Variants in DAZAP1 observed in about 807,000 individuals in gnomAD.
DAZAP1 encodes the protein DAZ-associated protein 1.
In DAZAP1, 6 loss-of-function variants were observed where a neutral mutation model predicts 60.1. The observed-to-expected ratio is 0.10, with a 90% CI of 0.05 to 0.20. The LOEUF (loss-of-function observed/expected upper bound fraction) is 0.20. Among genes scored for constraint, DAZAP1 ranks in the 10% least tolerant of loss-of-function variants. DAZAP1 has a pLI of 1.00. For missense variants in DAZAP1, 366 were observed against 560.4 expected (o/e 0.65, Z 3.50); for synonymous variants, 235 against 215.9 (o/e 1.09, Z -0.78).
rs1021536208 is a variant in DAZAP1 at position 1,433,242 on chromosome 19, G to A, written c.1048+552G>A. ...CCGGGGCAGGAGCTTGTGGGGGGGC[G>A]GGGTCAGCATGGGTCAAGGTCTGCA... On this transcript the variant is annotated intron_variant, in intron 11 of 11. Transcript: ENST00000233078. This position sits in a 1 kb window ranked among gnomAD's most constrained non-coding sequence, Gnocchi z 6.1. The A allele has an allele frequency of 8.6e-5, 16 of 186,728 alleles. No homozygotes were observed. Among genetic ancestry groups the A allele is most frequent in the Admixed American group, 4.9e-4 (9 of 18,360 alleles). The allele number at this position is 186,728 out of a possible 1,614,324, so 11.6% of individuals were successfully genotyped here.
Position 1,429,960 on chromosome 19 carries a change from T to C in DAZAP1, c.701-7T>C. The C allele has an allele frequency of 6.4e-7, 1 of 1,565,912 alleles. No individual in the cohort carries two copies. On this transcript the variant is annotated splice_region_variant and splice_polypyrimidine_tract_variant and intron_variant, in intron 8 of 11. Transcript: ENST00000233078. ...GCGCCAACCTCCTCTTCTGTTCTCT[T>C]ATCTAGGAATGTGGGTGCCGGCAGG... is the stretch of plus-strand genomic sequence containing the variant.
rs2083000101 is a variant in DAZAP1 at position 1,416,883 on chromosome 19, C to G, written c.30-617C>G. On this transcript the variant is annotated intron_variant, in intron 1 of 11. Transcript: ENST00000233078. This position sits in a 1 kb window ranked among gnomAD's most constrained non-coding sequence, Gnocchi z 4.3. ...GCCCTTCTCATCTGCCAATAAGAGA[C>G]AGCCCCAGAATGGGGGTGGCGCGGG... The G allele has an allele frequency of 6.5e-6, 1 of 153,392 alleles. No homozygotes were observed. Among genetic ancestry groups the G allele is most frequent in the Non-Finnish European group, 1.5e-5 (1 of 68,954 alleles). The allele number at this position is 153,392 out of a possible 1,614,324, so 9.5% of individuals were successfully genotyped here. A position where few individuals can be genotyped will look rare whatever the true frequency, so the allele number is the denominator to read the frequency against.
In DAZAP1 at chr19:1,407,724, G is replaced by C. The variant is rs1438463658; in HGVS notation, c.-50G>C. On this transcript the variant is annotated 5_prime_UTR_variant, in exon 1 of 12. Coordinates refer to ENST00000233078, the MANE Select transcript of DAZAP1 (RefSeq NM_018959.4). ...CGGAGCGGGTGACCTTCCGGAGGCG[G>C]GAGCGAGCGAGGAGGCCCGGGAGCG... 6.7e-5 allele frequency: 72 copies of C among 1,071,486 alleles called. No homozygotes were observed. The highest frequency in any genetic ancestry group is 7.9e-5 in the Non-Finnish European group (70 of 886,992). The allele number at this position is 1,071,486 out of a possible 1,614,324, so 66.4% of individuals were successfully genotyped here.
intron 10 of DAZAP1, among the ~76,000 whole-genome samples, chr19:1,431,640 G>T (rs899971937): frequency 5.9e-5 from 9 of 152,204 alleles, no homozygotes; most frequent in African/African-American, 2.2e-4. Context: ...TGTTGGTCAG[G>T]CTGGTCTTGA....
chr19:1,424,106 A>C, intron 6 of DAZAP1, among the ~76,000 whole-genome samples: 1 of 143,122 alleles, frequency 7.0e-6, no homozygotes, highest in Admixed American at 6.9e-5. Flanking sequence ...CTTCCTCTCC[A>C]CTGACTGAAG....
Position 1,425,608 on chromosome 19 carries a change from C to A in DAZAP1, c.464-270C>A, listed in dbSNP as rs2083288187. Among the ~76,000 whole-genome samples the A allele has an allele frequency of 6.6e-6, 1 of 152,230 alleles. No individual in the cohort carries two copies. Among genetic ancestry groups the A allele is most frequent in the African/African-American group, 2.4e-5 (1 of 41,464 alleles). On this transcript the variant is annotated intron_variant, in intron 6 of 11. Transcript: ENST00000233078. This position sits in a 1 kb window ranked among gnomAD's most constrained non-coding sequence, Gnocchi z 5.4. ...TCCAAATCTTTGTGACACGGAGCCC[C>A]AGCCCGGGGTGTCTGGGGCGGAGGC... is the stretch of plus-strand genomic sequence containing the variant.
chr19:1,431,770 C>A (rs908518926), intron 10 of DAZAP1, among the ~76,000 whole-genome samples: 1 of 152,190 alleles, frequency 6.6e-6, no homozygotes, highest in Non-Finnish European at 1.5e-5. Flanking sequence ...GGGAGCCTTG[C>A]GTCCCTTACC....
chr19:1,407,921 C>T (rs2144665402), intron 1 of DAZAP1, 119 bp downstream of exon 1: 13 of 907,436 alleles, frequency 1.4e-5, no homozygotes, highest in Non-Finnish European at 1.7e-5. Context: ...CGGCCGGGGG[C>T]GGACTCGGGA....
At position 1,418,747 on chromosome 19, in the gene DAZAP1, G is replaced by A. The variant is rs376260232; in HGVS notation, c.303+16G>A. On this transcript the variant is annotated intron_variant, in intron 4 of 11. Transcript: ENST00000233078. The surrounding 1 kb of genome is among the most constrained non-coding windows in gnomAD (Gnocchi z 5.7). ...GGAAGGATGGGTAAGGGGCTGGGCC[G>A]GGCGGCCTCCTTGTGTGTTCTCCAC... 145 of 1,594,846 alleles carry A rather than the reference G, an allele frequency of 9.1e-5. 1 individual carries two copies. The highest frequency in any genetic ancestry group is 5.2e-4 in the South Asian group (46 of 88,042).
rs1435318273 is a variant in DAZAP1 at position 1,418,791 on chromosome 19, G to A, written c.303+60G>A. The stretch of plus-strand genomic sequence containing the variant: ...TCTCCACTCCACGTGGAAAGGAAAT[G>A]CGTGCCTTCAATCTGCTGTTGTCGC... On this transcript the variant is annotated intron_variant, in intron 4 of 11. Transcript: ENST00000233078. This position sits in a 1 kb window ranked among gnomAD's most constrained non-coding sequence, Gnocchi z 5.7. The A allele has an allele frequency of 2.0e-6, 3 of 1,501,414 alleles. No individual in the cohort carries two copies. Among genetic ancestry groups the A allele is most frequent in the Non-Finnish European group, 2.7e-6 (3 of 1,111,280 alleles). 93.0% of individuals were successfully genotyped at this position (1,501,414 alleles called of 1,614,324 possible). A position where few individuals can be genotyped will look rare whatever the true frequency, so the allele number is the denominator to read the frequency against.
Position 1,433,924 on chromosome 19 carries a change from G to A in DAZAP1, c.1049-813G>A, listed in dbSNP as rs1441956249. 16 of 1,107,172 alleles carry A rather than the reference G, an allele frequency of 1.4e-5. No individual in the cohort carries two copies. The highest frequency in any genetic ancestry group is 2.4e-5 in the East Asian group (1 of 41,118). 68.6% of individuals were successfully genotyped at this position (1,107,172 alleles called of 1,614,324 possible). On this transcript the variant is annotated intron_variant, in intron 11 of 11. Transcript: ENST00000233078. The surrounding 1 kb of genome is among the most constrained non-coding windows in gnomAD (Gnocchi z 6.1). ...GTCCCGGGCGGGGGTGGACGCTGGC[G>A]GTGCCCTCTGGGAAGGGGCCCTTGC...
Position 1,432,622 on chromosome 19 carries a change from C to T in DAZAP1, c.980C>T (p.Pro327Leu), listed in dbSNP as rs1011274814. The T allele has an allele frequency of 9.3e-6, 15 of 1,613,528 alleles. No homozygotes were observed. The highest frequency in any genetic ancestry group is 4.0e-5 in the African/African-American group (3 of 74,924). Residue 327 changes from proline to leucine, a missense_variant, in exon 11 of 12, where the codon CCG (proline) becomes CTG (leucine). This residue lies in a region of DAZAP1 where 240 missense variants were observed against 308.8 expected (regional missense o/e 0.78). Transcript: ENST00000233078. This position sits in a 1 kb window ranked among gnomAD's most constrained non-coding sequence, Gnocchi z 4.9. ...GCACCTCTGGCTTTCCCACCGCCTC[C>T]GTCTCAGGCTGCCCCGGACATGAGC... is the stretch of plus-strand genomic sequence containing the variant. ...GAAPLAFPPP[P>L]SQAAPDMSKP...
rs750851047 is a variant in DAZAP1, at chr19:1,418,299, G to C, written c.166G>C (p.Val56Leu). The C allele has an allele frequency of 6.2e-7, 1 of 1,614,178 alleles. No homozygotes were observed. The highest frequency in any genetic ancestry group is 8.5e-7 in the Non-Finnish European group (1 of 1,180,036). The change falls in exon 3 of 12, where the codon GTC (valine) becomes CTC (leucine). Residue 56 changes from valine to leucine, a missense_variant. This residue lies in a region of DAZAP1 where 98 missense variants were observed against 155.3 expected (regional missense o/e 0.63). Coordinates refer to ENST00000233078, the MANE Select transcript of DAZAP1 (RefSeq NM_018959.4). This position sits in a 1 kb window ranked among gnomAD's most constrained non-coding sequence, Gnocchi z 5.7. ...TTNQSRGFGF[V>L]KFKDPNCVGT... is the part of the protein sequence containing the mutation. ...CAACCAGTCTCGAGGCTTTGGGTTT[G>C]TCAAATTTAAAGACCCAAACTGTGT...
chr19:1,430,280 C>T lies in DAZAP1; in HGVS notation c.789C>T (p.Thr263=), dbSNP rs2083412315. ...CCCCCCCGCCACCCCCACCGTTCAC[C>T]TCCTACATCGTGTCCACCCCTCCTG... ...RGAPPPPPPF[T]SYIVSTPPGG... Residue 263 remains threonine, a synonymous_variant, in exon 10 of 12, where the codon ACC becomes ACT. Transcript: ENST00000233078. 6.8e-7 allele frequency: 1 copy of T among 1,464,228 alleles called. No individual in the cohort carries two copies. The highest frequency in any genetic ancestry group is 2.3e-5 in the East Asian group (1 of 43,986). The allele number at this position is 1,464,228 out of a possible 1,614,324, so 90.7% of individuals were successfully genotyped here. A position where few individuals can be genotyped will look rare whatever the true frequency, so the allele number is the denominator to read the frequency against.
chr19:1,426,696 A>T lies in DAZAP1; in HGVS notation c.546+736A>T, dbSNP rs1377736257. On this transcript the variant is annotated intron_variant, in intron 7 of 11. Transcript: ENST00000233078. The surrounding 1 kb of genome is among the most constrained non-coding windows in gnomAD (Gnocchi z 5.4). ...ACTCTGAAATAAATAACTGGTAGAA[A>T]TTCTACAGTGTGGAATTTCTTGCAG... is the stretch of plus-strand genomic sequence containing the variant. The T allele has an allele frequency of 2.6e-5, 4 of 152,342 alleles. No individual in the cohort carries two copies. Among genetic ancestry groups the T allele is most frequent in the African/African-American group, 9.6e-5 (4 of 41,580 alleles). 9.4% of individuals were successfully genotyped at this position (152,342 alleles called of 1,614,324 possible).
rs1376227027 is a variant in DAZAP1, at chr19:1,407,766, C to T, written c.-8C>T. Reference sequence around the variant, plus strand: ...CCGGGAGCGCCGAGCGTCGCCGCCGCCGCCGCCATGAACAACTCGGGCGCC... The same window carrying T: ...CCGGGAGCGCCGAGCGTCGCCGCCGTCGCCGCCATGAACAACTCGGGCGCC... On this transcript the variant is annotated 5_prime_UTR_variant, in exon 1 of 12. Coordinates refer to ENST00000233078, the MANE Select transcript of DAZAP1 (RefSeq NM_018959.4). The T allele has an allele frequency of 1.4e-5, 15 of 1,092,314 alleles. No homozygotes were observed. The highest frequency in any genetic ancestry group is 1.7e-5 in the Non-Finnish European group (15 of 899,836). The allele number at this position is 1,092,314 out of a possible 1,614,324, so 67.7% of individuals were successfully genotyped here. A position where few individuals can be genotyped will look rare whatever the true frequency, so the allele number is the denominator to read the frequency against.
At chr19:1,430,752 ACT>A (rs1220079246) in intron 10 of DAZAP1, among the ~76,000 whole-genome samples, 1 of 143,118 alleles carries the variant, frequency 7.0e-6, no homozygotes, top group African/African-American at 2.6e-5. Context: ...ATGGAGTTTC[ACT>A]CTGTAGCCCA....
rs961072469 is a variant in DAZAP1 at position 1,423,860 on chromosome 19, C to T, written c.463+1464C>T. Among the ~76,000 whole-genome samples, 15 of 152,294 alleles carry T rather than the reference C, an allele frequency of 9.8e-5. No homozygotes were observed. The highest frequency in any genetic ancestry group is 3.4e-4 in the African/African-American group (14 of 41,566). On this transcript the variant is annotated intron_variant, in intron 6 of 11. Transcript: ENST00000233078. This position sits in a 1 kb window ranked among gnomAD's most constrained non-coding sequence, Gnocchi z 6.8. ...CCTGTCCTGTCCCGTGTGGACGGGA[C>T]GTGGCGAGTGTCGCTGAGTCCACAC...
rs1334110308 is a variant in DAZAP1 at position 1,418,887 on chromosome 19, C to G, written c.303+156C>G. Among the ~76,000 whole-genome samples the G allele has an allele frequency of 1.3e-5, 2 of 152,190 alleles. No individual in the cohort carries two copies. The highest frequency in any genetic ancestry group is 2.4e-5 in the African/African-American group (1 of 41,448). ...GCAGCTGAGGATCACCCAGATTTAT[C>G]AGTGCCGTGAGTGTTTTACAGCCAA... is the stretch of plus-strand genomic sequence containing the variant. On this transcript the variant is annotated intron_variant, in intron 4 of 11. Transcript: ENST00000233078. This position sits in a 1 kb window ranked among gnomAD's most constrained non-coding sequence, Gnocchi z 5.7.
Sources: allele counts gnomAD v4.1 joint callset (sites outside exome capture counted in the v4.1 genomes callset), GRCh38; gene constraint gnomAD v4.1.1; regional missense constraint gnomAD v4.1.1; non-coding constraint Gnocchi (gnomAD v3.1); transcripts MANE v1.5; gene names NCBI Gene and HGNC (gene_info 2026-07-23, HGNC 2026-07-21).